TRPM3: variants seen among roughly 807,000 people sequenced by gnomAD.
TRPM3 encodes the protein long transient receptor potential channel 3.
In TRPM3, 77 loss-of-function variants were observed where a neutral mutation model predicts 181.2. The ratio of observed to expected loss-of-function variants is 0.42; its 90% CI spans 0.35 to 0.51. TRPM3 has a LOEUF of 0.51. Among genes scored for constraint, TRPM3 ranks in the 20% least tolerant of loss-of-function variants. The pLI, the probability that TRPM3 is intolerant of heterozygous loss-of-function variation, is 0.01. For synonymous variants in TRPM3, 745 were observed against 796.4 expected (o/e 0.94, Z 1.09); for missense variants, 1,759 against 2,196.7 (o/e 0.80, Z 3.98).
At chr9:71,154,644 G>T (rs1372203005) in intron 1 of TRPM3, among the ~76,000 whole-genome samples, 1 of 152,128 alleles carries the variant, frequency 6.6e-6, no homozygotes, top group Non-Finnish European at 1.5e-5. Context: ...TGTCCTTTGT[G>T]TTATACTAGG....
At position 70,686,252 on chromosome 9, in the gene TRPM3, G is replaced by C. The variant is rs538511195; in HGVS notation, c.1273-4674C>G. Among the ~76,000 whole-genome samples the C allele has an allele frequency of 3.1e-3, 474 of 152,134 alleles. 1 individual carries two copies. Among genetic ancestry groups the C allele is most frequent in the Non-Finnish European group, 4.8e-3 (329 of 67,982 alleles). On this transcript the variant is annotated intron_variant, in intron 8 of 25. Coordinates refer to ENST00000677713, the MANE Select transcript of TRPM3 (RefSeq NM_001366145.2). ...TAGATATCATAATTTGTTGGCTGTA[G>C]AATATTTTATTATATGCATGTACCA...
chr9:70,862,466 T>C (rs2095546959), intron 3 of TRPM3, among the ~76,000 whole-genome samples: 1 of 152,116 alleles, frequency 6.6e-6, no homozygotes, highest in Non-Finnish European at 1.5e-5. Context: ...GAGTTAATCA[T>C]TTCTACTTTG....
intron 1 of TRPM3, among the ~76,000 whole-genome samples, chr9:70,925,287 G>C (rs2096709791): frequency 6.6e-6 from 1 of 152,108 alleles, no homozygotes; most frequent in Non-Finnish European, 1.5e-5. Context: ...TCTTTGCTCA[G>C]TATTGATGGA....
intron 5 of TRPM3, 89 bp downstream of exon 5, chr9:70,842,914 A>C: frequency 2.3e-6 from 3 of 1,323,724 alleles, no homozygotes; most frequent in Non-Finnish European, 3.2e-6. Context: ...GAATACTATA[A>C]TGTGCACATT....
intron 1 of TRPM3, among the ~76,000 whole-genome samples, chr9:71,233,182 A>G (rs1228695279): frequency 1.3e-5 from 2 of 152,236 alleles, no homozygotes; most frequent in East Asian, 1.9e-4. Context: ...CCCAATAAGG[A>G]TAAGAAATAA....
intron 1 of TRPM3, among the ~76,000 whole-genome samples, chr9:70,885,223 G>A (rs1336421916): frequency 6.6e-6 from 1 of 152,010 alleles, no homozygotes; most frequent in African/African-American, 2.4e-5. Context: ...ATTGACATTG[G>A]GTATTATTGA....
intron 22 of TRPM3, among the ~76,000 whole-genome samples, chr9:70,562,476 C>T (rs2049352262): frequency 6.6e-6 from 1 of 152,208 alleles, no homozygotes; most frequent in South Asian, 2.1e-4. Context: ...TCAGGGCCAT[C>T]TTGGCTTCTG....
intron 6 of TRPM3, among the ~76,000 whole-genome samples, chr9:70,785,146 T>A (rs2083336618): frequency 6.6e-6 from 1 of 152,212 alleles, no homozygotes; most frequent in Non-Finnish European, 1.5e-5. Context: ...GCTAGGCACG[T>A]GATGTGAGTT....
At chr9:71,194,292 C>G (rs954329239) in intron 1 of TRPM3, among the ~76,000 whole-genome samples, 4 of 151,974 alleles carry the variant, frequency 2.6e-5, no homozygotes, top group African/African-American at 9.6e-5. Context: ...ATATGGCAAC[C>G]AGGAGGATTG....
At chr9:71,161,327 C>A (rs980990082) in intron 1 of TRPM3, among the ~76,000 whole-genome samples, 1 of 152,234 alleles carries the variant, frequency 6.6e-6, no homozygotes, top group African/African-American at 2.4e-5. Flanking sequence ...CTCATCTGAG[C>A]CCCATGGACC....
intron 5 of TRPM3, 174 bp downstream of exon 5, chr9:70,842,829 G>C: frequency 1.6e-6 from 1 of 643,022 alleles, no homozygotes; most frequent in African/African-American, 1.8e-5. Context: ...AGTTTGCCTA[G>C]AGATTTTAGA....
intron 6 of TRPM3, among the ~76,000 whole-genome samples, chr9:70,819,026 C>T (rs2092936883): frequency 6.6e-6 from 1 of 152,178 alleles, no homozygotes; most frequent in Non-Finnish European, 1.5e-5. Flanking sequence ...CTTGTATAGG[C>T]TACCTTAGAA....
chr9:70,864,706 T>C (rs975841803), intron 1 of TRPM3, among the ~76,000 whole-genome samples, 195 bp from the exon 2 acceptor site: 3 of 151,958 alleles, frequency 2.0e-5, no homozygotes, highest in Non-Finnish European at 2.9e-5. Context: ...TACCTGCTGA[T>C]TAGATTATTT....
chr9:71,059,472 CT>C (rs1472837782), intron 1 of TRPM3, among the ~76,000 whole-genome samples: 5 of 152,058 alleles, frequency 3.3e-5, no homozygotes, highest in Non-Finnish European at 5.9e-5. Context: ...GAGTACCATA[CT>C]TTAAGGATAC....
At chr9:70,866,226 T>C (rs1483609871) in intron 1 of TRPM3, among the ~76,000 whole-genome samples, 1 of 152,104 alleles carries the variant, frequency 6.6e-6, no homozygotes, top group African/African-American at 2.4e-5. Context: ...CAACTTTTCC[T>C]ACACTTTAGA....
At chr9:70,868,063 T>G (rs1161109039) in intron 1 of TRPM3, among the ~76,000 whole-genome samples, 1 of 152,096 alleles carries the variant, frequency 6.6e-6, no homozygotes, top group Non-Finnish European at 1.5e-5. Flanking sequence ...ACAGACATCA[T>G]GTCTTAAAAT....
chr9:71,199,712 T>C (rs2078648870), intron 1 of TRPM3, among the ~76,000 whole-genome samples: 1 of 148,732 alleles, frequency 6.7e-6, no homozygotes, highest in East Asian at 2.0e-4. Flanking sequence ...GTGGGATCGG[T>C]GGTGATATCC....
At chr9:70,565,689 C>A (rs1033431734) in intron 22 of TRPM3, among the ~76,000 whole-genome samples, 1 of 152,200 alleles carries the variant, frequency 6.6e-6, no homozygotes, top group Non-Finnish European at 1.5e-5. Context: ...AGGCAAGGCA[C>A]TTTGCTGTTC....
intron 1 of TRPM3, among the ~76,000 whole-genome samples, chr9:71,316,480 A>AG (rs1440728686): frequency 6.6e-6 from 1 of 152,194 alleles, no homozygotes; most frequent in Non-Finnish European, 1.5e-5. Flanking sequence ...GGAGAAAGGA[A>AG]GATTATCTTG....
Sources: gnomAD v4.1 joint callset for allele counts (sites outside exome capture counted in the v4.1 genomes callset) on GRCh38, gnomAD v4.1.1 for gene constraint, MANE v1.5 for transcripts, NCBI Gene and HGNC (gene_info 2026-07-23, HGNC 2026-07-21) for gene names.